Variants in HTR2B observed in about 807,000 individuals in gnomAD.
The protein encoded by HTR2B is 5-HT 2B receptor.
A neutral mutation model predicts 39.8 loss-of-function variants in HTR2B; 31 were observed. The ratio of observed to expected loss-of-function variants is 0.78; its 90% CI spans 0.58 to 1.05. The LOEUF (loss-of-function observed/expected upper bound fraction) is 1.05, where lower values mean the gene tolerates loss of function less well. HTR2B is among the 50% of genes least tolerant of loss of function. The pLI is 0.00. For missense variants in HTR2B, 562 were observed against 578.0 expected (o/e 0.97, Z 0.28); for synonymous variants, 210 against 207.1 (o/e 1.01, Z -0.12).
chr2:231,119,869 C>CAAAAA (rs78246469), intron 2 of HTR2B, among the ~76,000 whole-genome samples: 1 of 80,050 alleles, frequency 1.2e-5, no homozygotes, highest in Non-Finnish European at 2.5e-5. Context: ...GACTCCGTCT[C>CAAAAA]AAAAAAAAAA....
At position 231,108,991 on chromosome 2, in the gene HTR2B, C is replaced by G. The variant is rs200541113; in HGVS notation, c.972G>C (p.Lys324Asn). The G allele has an allele frequency of 2.5e-4, 406 of 1,614,148 alleles. 1 individual carries two copies. The East Asian group carries it at 8.6e-3, about 34-fold the overall frequency. The change falls in exon 4 of 4, where the codon AAG (lysine) becomes AAC (asparagine). Residue 324 changes from lysine (K) to asparagine (N), a missense_variant. Lys to Asn is a moderately conservative substitution (Grantham distance 94, BLOSUM62 0). Transcript: ENST00000258400. ...QTISNEQRAS[K>N]VLGIVFFLFL... ...AGAGGAAAAACACAATCCCTAGGACCTTTGAGGCTCTCTGTTCGTTGGAAA... is the reference window on the plus strand; with the variant it reads ...AGAGGAAAAACACAATCCCTAGGACGTTTGAGGCTCTCTGTTCGTTGGAAA...
chr2:231,122,709 A>G (rs1695586252), intron 2 of HTR2B, among the ~76,000 whole-genome samples: 1 of 152,092 alleles, frequency 6.6e-6, no homozygotes, highest in Non-Finnish European at 1.5e-5. Flanking sequence ...GTCAAACTAT[A>G]CCTTTTATTA....
intron 3 of HTR2B, among the ~76,000 whole-genome samples, chr2:231,113,245 G>A (rs1308369228): frequency 6.6e-6 from 1 of 152,192 alleles, no homozygotes; most frequent in Admixed American, 6.5e-5. Context: ...GTACAGAAAT[G>A]TTGGCTTCCA....
chr2:231,110,790 C>T (rs922470916), intron 3 of HTR2B, among the ~76,000 whole-genome samples: 1 of 152,226 alleles, frequency 6.6e-6, no homozygotes, highest in African/African-American at 2.4e-5. Flanking sequence ...ACTGCCACTC[C>T]CATTTGTTAG....
intron 3 of HTR2B, among the ~76,000 whole-genome samples, chr2:231,112,722 C>T (rs188708954): frequency 1.9e-4 from 29 of 152,280 alleles, no homozygotes; most frequent in Admixed American, 2.6e-4. Context: ...GAATGATTTA[C>T]GCATACTTCA....
chr2:231,120,108 T>C (rs1695486556), intron 2 of HTR2B, among the ~76,000 whole-genome samples: 1 of 151,872 alleles, frequency 6.6e-6, no homozygotes, highest in South Asian at 2.1e-4. Flanking sequence ...CGTACCACCA[T>C]GCCCAGCTAA....
At position 231,108,812 on chromosome 2, in the gene HTR2B, T is replaced by C. The variant is rs1448379949; in HGVS notation, c.1151A>G (p.Asn384Ser). ...GCCAAATGCATCCCGAAATGTCTTATTGAAGAGGGTGTAGACCAAAGGATT... is the reference window on the plus strand; with the variant it reads ...GCCAAATGCATCCCGAAATGTCTTACTGAAGAGGGTGTAGACCAAAGGATT... ...GVNPLVYTLF[N>S]KTFRDAFGRY... Residue 384 changes from asparagine (N) to serine (S), a missense_variant, in exon 4 of 4, where the codon AAT (asparagine) becomes AGT (serine). By Grantham distance (46) the Asn-to-Ser change is conservative. Coordinates refer to ENST00000258400, the MANE Select transcript of HTR2B (RefSeq NM_000867.5). The C allele has an allele frequency of 1.2e-6, 2 of 1,614,068 alleles. No individual in the cohort carries two copies. The highest frequency in any genetic ancestry group is 2.2e-5 in the East Asian group (1 of 44,896).
chr2:231,112,814 A>G (rs1695199071), intron 3 of HTR2B, among the ~76,000 whole-genome samples: 1 of 151,668 alleles, frequency 6.6e-6, no homozygotes, highest in Non-Finnish European at 1.5e-5. Context: ...TCTTTTATAC[A>G]TAATTTCTGA....
chr2:231,115,553 CA>C (rs1695301045), intron 2 of HTR2B, among the ~76,000 whole-genome samples: 1 of 152,084 alleles, frequency 6.6e-6, no homozygotes, highest in Non-Finnish European at 1.5e-5. Context: ...TCATACTTTT[CA>C]GTGTATTACT....
rs1559233518 is a variant in HTR2B, at chr2:231,109,043, G to T, written c.920C>A (p.Thr307Lys). The T allele has an allele frequency of 6.2e-7, 1 of 1,614,186 alleles. No individual in the cohort carries two copies. ...GDETLMRRTS[T>K]IGKKSVQTIS... ...GGTCTGCACTGACTTTTTCCCAATTGTGGATGTTCTTCGCATAAGTGTTTC... is the reference window on the plus strand; with the variant it reads ...GGTCTGCACTGACTTTTTCCCAATTTTGGATGTTCTTCGCATAAGTGTTTC... The change falls in exon 4 of 4, where the codon ACA becomes AAA. Residue 307 changes from threonine (T) to lysine (K), a missense_variant. Coordinates refer to ENST00000258400, the MANE Select transcript of HTR2B (RefSeq NM_000867.5).
In HTR2B at chr2:231,108,464, A is replaced by C. The variant is rs576219059; in HGVS notation, c.*53T>G. Reference sequence around the variant, plus strand: ...TATAATATATTCTTGGCACATTTACATCTCATTCATCATCTTACTCATCAT... The same window carrying C: ...TATAATATATTCTTGGCACATTTACCTCTCATTCATCATCTTACTCATCAT... On this transcript the variant is annotated 3_prime_UTR_variant, in exon 4 of 4. Transcript: ENST00000258400. 1.5e-5 allele frequency: 20 copies of C among 1,299,870 alleles called. No individual in the cohort carries two copies. The African/African-American group carries it at 2.8e-4, about 18-fold the overall frequency. 80.5% of individuals were successfully genotyped at this position (1,299,870 alleles called of 1,614,324 possible). A position where few individuals can be genotyped will look rare whatever the true frequency, so the allele number is the denominator to read the frequency against.
chr2:231,113,731 A>G lies in HTR2B; in HGVS notation c.551T>C (p.Ile184Thr), dbSNP rs367813041. 6.2e-7 allele frequency: 1 copy of G among 1,613,246 alleles called. No individual in the cohort carries two copies. Among genetic ancestry groups the G allele is most frequent in the South Asian group, 1.1e-5 (1 of 91,060 alleles). Residue 184 changes from isoleucine (I) to threonine (T), a missense_variant and splice_region_variant, in exon 3 of 4, where the codon ATA becomes ACA. Ile to Thr is a moderately conservative substitution (Grantham distance 89). Coordinates refer to ENST00000258400, the MANE Select transcript of HTR2B (RefSeq NM_000867.5). ...ACACTCTGGCATTCTCTACATACCTATTGAAATTAACCACACCACTGTAAT... is the reference window on the plus strand; with the variant it reads ...ACACTCTGGCATTCTCTACATACCTGTTGAAATTAACCACACCACTGTAAT... ...IKITVVWLISIGIAIPVPIKG... is the reference protein window; with the variant it reads ...IKITVVWLISTGIAIPVPIKG...
chr2:231,113,777 G>T lies in HTR2B; in HGVS notation c.505C>A (p.Arg169=), dbSNP rs181580625. 1,082 of 1,614,084 alleles carry T rather than the reference G, an allele frequency of 6.7e-4. 15 individuals are homozygous for T. The South Asian group carries it at 8.5e-3, about 13-fold the overall frequency. ...GTAATCTTGATGAATGCTGTAGCCCGTGAGTTATATTGATTGGCCTGGATT... is the reference window on the plus strand; with the variant it reads ...GTAATCTTGATGAATGCTGTAGCCCTTGAGTTATATTGATTGGCCTGGATT... ...KPIQANQYNS[R]ATAFIKITVV... Residue 169 remains arginine, a synonymous_variant, in exon 3 of 4, where the codon CGG becomes AGG. Transcript: ENST00000258400.
chr2:231,117,849 A>C (rs1695395883), intron 2 of HTR2B, among the ~76,000 whole-genome samples: 1 of 152,124 alleles, frequency 6.6e-6, no homozygotes, highest in Admixed American at 6.5e-5. Flanking sequence ...AAGAATACTG[A>C]GTTCTAACTT....
In HTR2B at chr2:231,108,998, GCT is replaced by G; in HGVS notation, c.963_964del (p.Arg321SerfsTer30). The G allele has an allele frequency of 6.2e-7, 1 of 1,614,156 alleles. No individual in the cohort carries two copies. Among genetic ancestry groups the G allele is most frequent in the African/African-American group, 1.3e-5 (1 of 75,028 alleles). On this transcript the variant is annotated frameshift_variant, in exon 4 of 4. Coordinates refer to ENST00000258400, the MANE Select transcript of HTR2B (RefSeq NM_000867.5). LOFTEE classifies it high-confidence loss of function. ...AAACACAATCCCTAGGACCTTTGAG[GCT>G]CTCTGTTCGTTGGAAATGGTCTGCA...
In HTR2B at chr2:231,108,519, A is replaced by G. The variant is rs930108952; in HGVS notation, c.1444T>C (p.Ter482GlnextTer19). 3 of 1,610,352 alleles carry G rather than the reference A, an allele frequency of 1.9e-6. No individual in the cohort carries two copies. The highest frequency in any genetic ancestry group is 1.3e-5 in the African/African-American group (1 of 74,814). Reference protein sequence around the residue: ...DKTEEQVSYV* With the variant: ...DKTEEQVSYVQ ...TTTGATGACAACTGCCAGTTCTGCT[A>G]TACATAACTAACTTGCTCTTCAGTT... Residue 482 changes from the stop codon to glutamine, a stop_lost, in exon 4 of 4, where the codon TAG becomes CAG. Coordinates refer to ENST00000258400, the MANE Select transcript of HTR2B (RefSeq NM_000867.5).
In HTR2B at chr2:231,113,775, C is replaced by T; in HGVS notation, c.507G>A (p.Arg169=). The T allele has an allele frequency of 1.9e-6, 3 of 1,614,004 alleles. No individual in the cohort carries two copies. The highest frequency in any genetic ancestry group is 2.5e-6 in the Non-Finnish European group (3 of 1,179,980). ...CTGTAATCTTGATGAATGCTGTAGC[C>T]CGTGAGTTATATTGATTGGCCTGGA... is the stretch of plus-strand genomic sequence containing the variant. ...KPIQANQYNS[R]ATAFIKITVV... is the part of the protein sequence containing the mutation. Residue 169 remains arginine, a synonymous_variant, in exon 3 of 4, where the codon CGG becomes CGA. Transcript: ENST00000258400.
intron 2 of HTR2B, among the ~76,000 whole-genome samples, chr2:231,122,088 A>G (rs1329758688): frequency 6.6e-6 from 1 of 152,116 alleles, no homozygotes; most frequent in Non-Finnish European, 1.5e-5. Context: ...TCATGGTTTC[A>G]TGCAGCATTA....
At position 231,109,386 on chromosome 2, in the gene HTR2B, T is replaced by C. The variant is rs779697452; in HGVS notation, c.577A>G (p.Lys193Glu). The change falls in exon 4 of 4, where the codon AAA becomes GAA. Residue 193 changes from lysine (K) to glutamate (E), a missense_variant. By Grantham distance (56) the Lys-to-Glu change is moderately conservative. Coordinates refer to ENST00000258400, the MANE Select transcript of HTR2B (RefSeq NM_000867.5). The part of the protein sequence containing the change: ...SIGIAIPVPI[K>E]GIETDVDNPN... ...TTGTCCACATCAGTCTCTATCCCTT[T>C]AATAGGGACTGGAATGGCAATGCCT... 6.2e-7 allele frequency: 1 copy of C among 1,614,048 alleles called. No homozygotes were observed. Among genetic ancestry groups the C allele is most frequent in the Non-Finnish European group, 8.5e-7 (1 of 1,179,910 alleles).
Sources: gnomAD v4.1 joint callset for allele counts (sites outside exome capture counted in the v4.1 genomes callset) on GRCh38, gnomAD v4.1.1 for gene constraint, MANE v1.5 for transcripts, NCBI Gene and HGNC (gene_info 2026-07-23, HGNC 2026-07-21) for gene names.